The following SCLT1 variants were observed in gnomAD, a reference collection of about 807,000 sequenced individuals.
SCLT1 encodes sodium channel and clathrin linker 1, also known as sodium channel-associated protein 1.
Under a neutral mutation model 112.8 loss-of-function variants are expected in SCLT1, and 78 were observed. The observed-to-expected ratio is 0.69, with a 90% CI of 0.58 to 0.83. SCLT1 has a LOEUF of 0.83. SCLT1 is among the 40% of genes least tolerant of loss of function. SCLT1 has a pLI of 0.00. For missense variants in SCLT1, 747 were observed against 770.4 expected (o/e 0.97, Z 0.36); for synonymous variants, 257 against 254.7 (o/e 1.01, Z -0.09).
chr4:128,939,138 C>G (rs1402356861), intron 17 of SCLT1, among the ~76,000 whole-genome samples: 1 of 152,164 alleles, frequency 6.6e-6, no homozygotes, highest in Non-Finnish European at 1.5e-5. Flanking sequence ...TTTATGATAA[C>G]CTGGTCCCTG....
chr4:129,056,303 G>A (rs1749383994), intron 2 of SCLT1, among the ~76,000 whole-genome samples: 1 of 152,090 alleles, frequency 6.6e-6, no homozygotes, highest in Non-Finnish European at 1.5e-5. Context: ...AATGTTCTTG[G>A]CACCTTTTTT....
chr4:129,024,308 C>A (rs549242673), intron 5 of SCLT1, among the ~76,000 whole-genome samples: 3 of 152,218 alleles, frequency 2.0e-5, no homozygotes, highest in Admixed American at 1.3e-4. Flanking sequence ...CAAGTAGGGG[C>A]AGACTGACAC....
intron 18 of SCLT1, among the ~76,000 whole-genome samples, chr4:128,934,292 AAC>A (rs58561987): frequency 0.016 from 2,418 of 151,916 alleles, 61 homozygotes; most frequent in African/African-American, 0.055. Flanking sequence ...CATGTATATA[AAC>A]ACACACAGGC....
chr4:128,874,663 G>A (rs1732441958), intron 4 of SCLT1: 1 of 152,554 alleles, frequency 6.6e-6, no homozygotes, highest in Non-Finnish European at 1.5e-5. Context: ...CTCTCTATGA[G>A]GTGGCCATAA....
chr4:129,005,269 A>G (rs1743890729), intron 5 of SCLT1, among the ~76,000 whole-genome samples: 1 of 152,186 alleles, frequency 6.6e-6, no homozygotes, highest in Non-Finnish European at 1.5e-5. Flanking sequence ...TAACTTATCA[A>G]TTATCCTAAT....
chr4:129,029,159 C>T (rs1231080477), intron 5 of SCLT1, among the ~76,000 whole-genome samples: 7 of 152,108 alleles, frequency 4.6e-5, no homozygotes, highest in Non-Finnish European at 7.3e-5. Flanking sequence ...CCATTTGACC[C>T]AGCCATTCCA....
intron 9 of SCLT1, chr4:128,971,804 C>A (rs1299740544): frequency 6.6e-6 from 1 of 152,172 alleles, no homozygotes; most frequent in Admixed American, 6.6e-5. Context: ...GGGAGGATCA[C>A]AAGGTCAAGA....
chr4:129,084,637 G>A (rs1227383883), intron 1 of SCLT1, among the ~76,000 whole-genome samples: 1 of 152,146 alleles, frequency 6.6e-6, no homozygotes, highest in East Asian at 1.9e-4. Context: ...CAGGGCCACA[G>A]TAACCAAAAC....
chr4:129,055,525 A>G (rs559373142), intron 2 of SCLT1, among the ~76,000 whole-genome samples: 1 of 152,206 alleles, frequency 6.6e-6, no homozygotes, highest in African/African-American at 2.4e-5. Context: ...TCTTTGCTGC[A>G]TTGTGTTGAG....
chr4:128,992,733 C>G (rs529305047), intron 8 of SCLT1, among the ~76,000 whole-genome samples: 1 of 152,068 alleles, frequency 6.6e-6, no homozygotes, highest in East Asian at 1.9e-4. Flanking sequence ...CTTCTCTTCT[C>G]TTGATACCAC....
intron 5 of SCLT1, among the ~76,000 whole-genome samples, chr4:129,021,915 G>C (rs965082976): frequency 2.6e-5 from 4 of 152,204 alleles, no homozygotes; most frequent in Admixed American, 1.3e-4. Context: ...TCATATAGGA[G>C]AGCTCCAGCT....
At chr4:128,942,701 G>A (rs536921081) in intron 17 of SCLT1, among the ~76,000 whole-genome samples, 1 of 152,126 alleles carries the variant, frequency 6.6e-6, no homozygotes, top group African/African-American at 2.4e-5. Context: ...AGTCTGTAAA[G>A]TTATCTAATC....
intron 18 of SCLT1, among the ~76,000 whole-genome samples, chr4:128,919,100 T>C (rs1735687368): frequency 6.6e-6 from 1 of 151,996 alleles, no homozygotes; most frequent in African/African-American, 2.4e-5. Context: ...TATAGACCTC[T>C]CCACCCAAAA....
At chr4:129,025,491 G>A (rs1207142364) in intron 5 of SCLT1, among the ~76,000 whole-genome samples, 1 of 152,072 alleles carries the variant, frequency 6.6e-6, no homozygotes, top group Non-Finnish European at 1.5e-5. Flanking sequence ...TTACAGAAAA[G>A]CAAATGCTGA....
chr4:128,881,702 T>C (rs1043462360), downstream of SCLT1, among the ~76,000 whole-genome samples: 2 of 152,200 alleles, frequency 1.3e-5, no homozygotes, highest in African/African-American at 4.8e-5. Flanking sequence ...TATAGTAAAA[T>C]ACAGTTCACA....
rs544329397 is a variant in SCLT1, at chr4:128,900,472, A to G, written c.1830-9335T>C. On this transcript the variant is annotated intron_variant, in intron 18 of 20. Transcript: ENST00000281142. ...ATGGTGCTGGGAAAACTGGCTAGCC[A>G]TATGTAGAAAGCTGAAACTGGATCC... is the stretch of plus-strand genomic sequence containing the variant. Among the ~76,000 whole-genome samples, 330 of 152,206 alleles carry G rather than the reference A, an allele frequency of 2.2e-3. 1 individual carries two copies. The highest frequency in any genetic ancestry group is 7.6e-3 in the African/African-American group (315 of 41,522).
chr4:129,024,958 G>A (rs1745893322), intron 5 of SCLT1, among the ~76,000 whole-genome samples: 2 of 152,254 alleles, frequency 1.3e-5, no homozygotes, highest in Admixed American at 6.5e-5. Context: ...AGTGATGGAA[G>A]ATGAAATGAA....
intron 20 of SCLT1, 131 bp downstream of exon 20, chr4:128,888,547 AC>A: frequency 1.9e-6 from 1 of 528,208 alleles, no homozygotes; most frequent in Non-Finnish European, 3.3e-6. Flanking sequence ...TACTTTTTCA[AC>A]CTCACATATT....
intron 2 of SCLT1, among the ~76,000 whole-genome samples, chr4:129,068,906 G>C (rs1750734764): frequency 1.3e-5 from 2 of 152,162 alleles, no homozygotes; most frequent in South Asian, 4.1e-4. Context: ...TACAGTTTCA[G>C]GTCTTAGATT....
Sources: gnomAD v4.1 joint callset for allele counts (sites outside exome capture counted in the v4.1 genomes callset) on GRCh38, gnomAD v4.1.1 for gene constraint, MANE v1.5 for transcripts, NCBI Gene and HGNC (gene_info 2026-07-23, HGNC 2026-07-21) for gene names.